The following CPNE4 variants were observed in gnomAD, a reference collection of about 807,000 sequenced individuals.
CPNE4 encodes the protein copine 4, also known as copine-4.
CPNE4 carries 25 observed loss-of-function variants against 67.9 expected under a neutral mutation model. The ratio of observed to expected loss-of-function variants is 0.37; its 90% CI spans 0.27 to 0.51. The LOEUF (loss-of-function observed/expected upper bound fraction) is 0.51, where lower values mean the gene tolerates loss of function less well. Ranked by LOEUF, CPNE4 falls within the 20% of genes least tolerant of loss-of-function variation. The pLI is 0.93. For missense variants in CPNE4, 464 were observed against 690.8 expected (o/e 0.67, Z 3.68); for synonymous variants, 242 against 244.9 (o/e 0.99, Z 0.11).
At chr3:131,881,493 A>T (rs2087671472) in intron 2 of CPNE4, among the ~76,000 whole-genome samples, 1 of 151,158 alleles carries the variant, frequency 6.6e-6, no homozygotes, top group Non-Finnish European at 1.5e-5. Context: ...CAATAAACCC[A>T]ACTTGTTCAA....
chr3:131,969,516 C>T (rs1255036716), intron 1 of CPNE4, among the ~76,000 whole-genome samples: 4 of 152,114 alleles, frequency 2.6e-5, no homozygotes, highest in Non-Finnish European at 4.4e-5. Context: ...ATATTTGTCT[C>T]TTAATTTTTA....
intron 3 of CPNE4, among the ~76,000 whole-genome samples, chr3:131,720,327 C>T (rs1020916174): frequency 6.8e-6 from 1 of 147,574 alleles, no homozygotes; most frequent in African/African-American, 2.5e-5. Context: ...CACTGTCACC[C>T]AGGCTGGAGT....
intron 2 of CPNE4, among the ~76,000 whole-genome samples, chr3:131,812,731 G>A (rs2084584803): frequency 6.6e-6 from 1 of 152,218 alleles, no homozygotes. Flanking sequence ...TGAGAGGCCA[G>A]TGAAGGCAGA....
intron 1 of CPNE4, among the ~76,000 whole-genome samples, chr3:131,980,632 G>T (rs2072881791): frequency 6.6e-6 from 1 of 151,898 alleles, no homozygotes; most frequent in African/African-American, 2.4e-5. Flanking sequence ...CTTGCACTGG[G>T]CTTCACCTGT....
intron 2 of CPNE4, among the ~76,000 whole-genome samples, chr3:131,876,868 T>C (rs12488560): frequency 0.28 from 42,454 of 152,032 alleles, 7,223 homozygotes; most frequent in Non-Finnish European, 0.37. Flanking sequence ...ATGTAGAAGA[T>C]GCACCAGCAC....
chr3:131,966,775 A>T (rs1218304456), intron 1 of CPNE4, among the ~76,000 whole-genome samples: 6 of 152,194 alleles, frequency 3.9e-5, no homozygotes, highest in Non-Finnish European at 8.8e-5. Context: ...GACCAGACAG[A>T]TTCACAGCTG....
intron 2 of CPNE4, among the ~76,000 whole-genome samples, chr3:131,783,839 A>G (rs1257683955): frequency 6.6e-6 from 1 of 152,070 alleles, no homozygotes; most frequent in African/African-American, 2.4e-5. Flanking sequence ...TACTGACCAG[A>G]CATTCTGGTC....
chr3:131,564,781 G>A (rs1341013956), intron 10 of CPNE4, among the ~76,000 whole-genome samples: 1 of 152,040 alleles, frequency 6.6e-6, no homozygotes, highest in African/African-American at 2.4e-5. Context: ...CTGTGTTAAA[G>A]ATACAGTCTT....
At chr3:131,914,026 C>A (rs1321868751) in intron 1 of CPNE4, among the ~76,000 whole-genome samples, 1 of 152,056 alleles carries the variant, frequency 6.6e-6, no homozygotes, top group East Asian at 1.9e-4. Context: ...TCTTTTAATT[C>A]TTATATATCT....
chr3:131,872,194 GT>G lies in CPNE4; in HGVS notation c.180+33069del, dbSNP rs1380889499. 5.3e-5 allele frequency among the ~76,000 whole-genome samples: 8 copies of G among 151,476 alleles called. No individual in the cohort carries two copies. In the South Asian group the frequency reaches 6.3e-4, roughly 12 times the overall value. ...TGCATGTGTGTGCGTGTGTGTGTGTGTAGAGAGAGAGAGAGAAACAGAGAGA... is the reference window on the plus strand; with the variant it reads ...TGCATGTGTGTGCGTGTGTGTGTGTGAGAGAGAGAGAGAGAAACAGAGAGA... On this transcript the variant is annotated intron_variant, in intron 2 of 15. Transcript: ENST00000429747.
chr3:131,751,003 G>A (rs1429231780), intron 2 of CPNE4, among the ~76,000 whole-genome samples: 1 of 152,106 alleles, frequency 6.6e-6, no homozygotes, highest in Non-Finnish European at 1.5e-5. Flanking sequence ...CTTTTGATGA[G>A]AAATCTGCTG....
chr3:131,792,615 A>C (rs1319073777), intron 2 of CPNE4, among the ~76,000 whole-genome samples: 1 of 113,154 alleles, frequency 8.8e-6, no homozygotes, highest in South Asian at 2.8e-4. Context: ...GTGTGTGTAT[A>C]TATGTATATA....
chr3:131,878,429 T>C (rs1015912343), intron 2 of CPNE4, among the ~76,000 whole-genome samples: 5 of 152,092 alleles, frequency 3.3e-5, no homozygotes, highest in East Asian at 1.9e-4. Context: ...ATAATCTGCA[T>C]TGATAGGAGT....
At chr3:131,755,195 T>G (rs555986599) in intron 2 of CPNE4, among the ~76,000 whole-genome samples, 1 of 150,166 alleles carries the variant, frequency 6.7e-6, no homozygotes, top group Non-Finnish European at 1.5e-5. Flanking sequence ...ATGGAATAGG[T>G]AATTTTTTTT....
At chr3:132,019,971 A>G (rs2073959259) in intron 1 of CPNE4, among the ~76,000 whole-genome samples, 1 of 152,096 alleles carries the variant, frequency 6.6e-6, no homozygotes, top group African/African-American at 2.4e-5. Context: ...CATTCTCACC[A>G]CCATCATGGA....
chr3:131,862,610 A>G lies in CPNE4; in HGVS notation c.180+42654T>C, dbSNP rs371470604. On this transcript the variant is annotated intron_variant, in intron 2 of 15. Transcript: ENST00000429747. ...GAAGGCTTATATAATGCCATGTACT[A>G]TCTGGCCTCAATTCACCTATCTAGG... Among the ~76,000 whole-genome samples, 12 of 152,136 alleles carry G rather than the reference A, an allele frequency of 7.9e-5. No homozygotes were observed. The East Asian group carries it at 1.2e-3, about 15-fold the overall frequency.
intron 1 of CPNE4, among the ~76,000 whole-genome samples, chr3:131,991,425 G>C (rs948807007): frequency 7.4e-6 from 1 of 136,030 alleles, no homozygotes; most frequent in Non-Finnish European, 1.7e-5. Flanking sequence ...GGAACTGTTG[G>C]GAACTGGAGC....
intron 1 of CPNE4, among the ~76,000 whole-genome samples, chr3:132,013,941 A>G (rs2073831660): frequency 6.6e-6 from 1 of 152,192 alleles, no homozygotes; most frequent in South Asian, 2.1e-4. Flanking sequence ...TGCAACCAAT[A>G]TAGGTGATCA....
At chr3:131,611,902 C>T (rs998299280) in intron 7 of CPNE4, among the ~76,000 whole-genome samples, 1 of 152,014 alleles carries the variant, frequency 6.6e-6, no homozygotes, top group African/African-American at 2.4e-5. Flanking sequence ...CAAATAAGCC[C>T]AAGTCACGGT....
Sources: gnomAD v4.1 joint callset for allele counts (sites outside exome capture counted in the v4.1 genomes callset) on GRCh38, gnomAD v4.1.1 for gene constraint, MANE v1.5 for transcripts, NCBI Gene and HGNC (gene_info 2026-07-23, HGNC 2026-07-21) for gene names.